The following CNTN5 variants were observed in gnomAD, a reference collection of about 807,000 sequenced individuals.
The protein encoded by CNTN5 is contactin-5.
A neutral mutation model predicts 129.1 loss-of-function variants in CNTN5; 77 were observed. The observed-to-expected ratio is 0.60, with a 90% confidence interval of 0.50 to 0.72. The LOEUF is 0.72. CNTN5 is among the 30% of genes least tolerant of loss of function. The pLI is 0.00. For synonymous variants in CNTN5, 509 were observed against 465.6 expected, an observed-to-expected ratio of 1.09 and a Z score of -1.20; for missense variants, 1,478 against 1,328.8, an observed-to-expected ratio of 1.11 and a Z score of -1.75.
intron 3 of CNTN5, among the ~76,000 whole-genome samples, chr11:99,560,487 C>T (rs1456647775): frequency 1.3e-5 from 2 of 151,976 alleles, no homozygotes; most frequent in East Asian, 1.9e-4. Context: ...AGGTGGGTTT[C>T]ACCATGTTGG....
chr11:99,208,491 A>T (rs1317711623), intron 1 of CNTN5, among the ~76,000 whole-genome samples: 2 of 152,152 alleles, frequency 1.3e-5, no homozygotes, highest in Non-Finnish European at 2.9e-5. Context: ...AATAATATAC[A>T]CTTTCTTACA....
At chr11:99,813,730 A>C (rs1343116036) in intron 3 of CNTN5, among the ~76,000 whole-genome samples, 2 of 152,162 alleles carry the variant, frequency 1.3e-5, no homozygotes, top group African/African-American at 4.8e-5. Flanking sequence ...AATAGGGATA[A>C]AGACATAAGG....
At chr11:99,166,103 T>A (rs1044734833) in intron 1 of CNTN5, among the ~76,000 whole-genome samples, 3 of 152,222 alleles carry the variant, frequency 2.0e-5, no homozygotes, top group Non-Finnish European at 4.4e-5. Flanking sequence ...AGAAGCACAG[T>A]GTAAAAATGA....
chr11:99,438,176 A>T (rs1009171129), intron 2 of CNTN5, among the ~76,000 whole-genome samples: 1 of 152,238 alleles, frequency 6.6e-6, no homozygotes, highest in Non-Finnish European at 1.5e-5. Flanking sequence ...ACAAATTCTG[A>T]TTGAGTCAAT....
chr11:99,813,266 A>T (rs1145395), intron 3 of CNTN5, among the ~76,000 whole-genome samples: 74 of 152,038 alleles, frequency 4.9e-4, no homozygotes, highest in Admixed American at 3.2e-3. Context: ...AGCATCACTC[A>T]ATATTTCTAT....
intron 2 of CNTN5, among the ~76,000 whole-genome samples, chr11:99,437,513 T>C (rs1943646843): frequency 6.6e-6 from 1 of 152,190 alleles, no homozygotes; most frequent in Non-Finnish European, 1.5e-5. Flanking sequence ...GTTTTTAAGC[T>C]AGTCATAAAA....
At chr11:99,064,192 A>C (rs1865006578) in intron 1 of CNTN5, among the ~76,000 whole-genome samples, 1 of 152,088 alleles carries the variant, frequency 6.6e-6, no homozygotes, top group East Asian at 1.9e-4. Context: ...AGCTCTCCAC[A>C]ACCAAGTTAC....
intron 3 of CNTN5, among the ~76,000 whole-genome samples, chr11:99,789,004 T>C (rs1945639510): frequency 1.3e-5 from 2 of 151,846 alleles, no homozygotes; most frequent in Admixed American, 6.6e-5. Flanking sequence ...ATTAAAATTA[T>C]ATTGTAAAAA....
At chr11:100,168,597 T>C (rs1168806316) in intron 13 of CNTN5, among the ~76,000 whole-genome samples, 1 of 152,012 alleles carries the variant, frequency 6.6e-6, no homozygotes, top group African/African-American at 2.4e-5. Context: ...TTCAAAATGT[T>C]ACCACTCATT....
intron 3 of CNTN5, among the ~76,000 whole-genome samples, chr11:99,571,402 A>G (rs1448379443): frequency 1.3e-5 from 2 of 152,206 alleles, no homozygotes; most frequent in Non-Finnish European, 2.9e-5. Flanking sequence ...TTTTATGTTC[A>G]GTTCCAGACT....
At chr11:99,113,246 A>G (rs1565327178) in intron 1 of CNTN5, among the ~76,000 whole-genome samples, 1 of 152,124 alleles carries the variant, frequency 6.6e-6, no homozygotes, top group East Asian at 1.9e-4. Context: ...TGGATACAGG[A>G]GTTAACATCT....
At chr11:99,587,558 G>A (rs1236142758) in intron 3 of CNTN5, among the ~76,000 whole-genome samples, 1 of 152,018 alleles carries the variant, frequency 6.6e-6, no homozygotes, top group African/African-American at 2.4e-5. Context: ...TCTGCCCAGG[G>A]AATCATATGT....
chr11:99,131,989 C>T (rs1858963989), intron 1 of CNTN5, among the ~76,000 whole-genome samples: 1 of 152,036 alleles, frequency 6.6e-6, no homozygotes, highest in African/African-American at 2.4e-5. Flanking sequence ...AACATTTATG[C>T]AAAAATCCTC....
intron 1 of CNTN5, among the ~76,000 whole-genome samples, chr11:99,071,955 A>C (rs1865356559): frequency 6.6e-6 from 1 of 152,200 alleles, no homozygotes; most frequent in Admixed American, 6.5e-5. Flanking sequence ...TACAATAAAA[A>C]AAAAGAAGGA....
chr11:99,245,155 AAG>A (rs1176880874), intron 1 of CNTN5, among the ~76,000 whole-genome samples: 8 of 152,138 alleles, frequency 5.3e-5, no homozygotes, highest in African/African-American at 1.9e-4. Flanking sequence ...CTTAAATTCA[AAG>A]TGCTTAGGTA....
intron 3 of CNTN5, among the ~76,000 whole-genome samples, chr11:99,653,378 A>G (rs1952231180): frequency 6.6e-6 from 1 of 152,026 alleles, no homozygotes; most frequent in Non-Finnish European, 1.5e-5. Context: ...TGTTTCACTT[A>G]ACAGCCAATT....
chr11:99,734,224 C>T (rs1943627088), intron 3 of CNTN5, among the ~76,000 whole-genome samples: 1 of 152,134 alleles, frequency 6.6e-6, no homozygotes, highest in Non-Finnish European at 1.5e-5. Flanking sequence ...AACATTTATC[C>T]TTCCATTGTG....
At chr11:100,178,843 A>T (rs1375836232) in intron 13 of CNTN5, among the ~76,000 whole-genome samples, 1 of 152,186 alleles carries the variant, frequency 6.6e-6, no homozygotes, top group Non-Finnish European at 1.5e-5. Flanking sequence ...AAGGTGATAT[A>T]TTGAAGAACT....
At chr11:99,839,290 A>G (rs1054065432) in intron 4 of CNTN5, among the ~76,000 whole-genome samples, 5 of 152,192 alleles carry the variant, frequency 3.3e-5, no homozygotes, top group South Asian at 2.1e-4. Flanking sequence ...TGTGTACTCA[A>G]TTGTTCATTA....
Sources: allele counts gnomAD v4.1 joint callset (sites outside exome capture counted in the v4.1 genomes callset), GRCh38; gene constraint gnomAD v4.1.1; transcripts MANE v1.5; gene names NCBI Gene and HGNC (gene_info 2026-07-23, HGNC 2026-07-21).